PLA2G5: variants seen among roughly 807,000 people sequenced by gnomAD.
PLA2G5 encodes Ca2+-dependent phospholipase A2.
A neutral mutation model predicts 15.9 loss-of-function variants in PLA2G5; 12 were observed. That is an observed-to-expected ratio of 0.76 (90% confidence interval 0.48 to 1.23). PLA2G5 has a LOEUF of 1.23. PLA2G5 is among the 50% of genes most tolerant of loss of function. The probability of loss-of-function intolerance (pLI) is 0.00; values close to 1 mark genes in which losing one functional copy is unlikely to be tolerated. For missense variants in PLA2G5, 169 were observed against 177.1 expected (o/e 0.95, Z 0.26); for synonymous variants, 71 against 71.4 (o/e 0.99, Z 0.03).
intron 1 of PLA2G5, among the ~76,000 whole-genome samples, chr1:20,059,120 C>CAAA (rs34667227): frequency 2.0e-4 from 17 of 83,072 alleles, no homozygotes; most frequent in African/African-American, 4.9e-4. Context: ...GAGACTGTCT[C>CAAA]AAAAAAAAAA....
chr1:20,066,547 G>T (rs1246715331), upstream of PLA2G5, among the ~76,000 whole-genome samples: 1 of 152,206 alleles, frequency 6.6e-6, no homozygotes, highest in East Asian at 1.9e-4. Flanking sequence ...TTCCTTACAA[G>T]AGTTGATTGT....
intron 3 of PLA2G5, among the ~76,000 whole-genome samples, chr1:20,087,976 C>A (rs1014239154): frequency 2.0e-5 from 3 of 152,162 alleles, no homozygotes; most frequent in African/African-American, 7.2e-5. Context: ...CGTGGGGCAT[C>A]TTATAAAATG....
rs1004423808 is a variant in PLA2G5 at position 20,084,814 on chromosome 1, T to C, written c.-10-7T>C. 3 of 1,603,332 alleles carry C rather than the reference T, an allele frequency of 1.9e-6. No homozygotes were observed. In the African/African-American group the frequency reaches 4.0e-5, roughly 21 times the overall value. ...AGATCTGTTGTGGGATGTGTTTTTT[T>C]TTCCAGAACCCCAGAGATGAAAGGC... On this transcript the variant is annotated splice_region_variant and splice_polypyrimidine_tract_variant and intron_variant, in intron 1 of 4. Coordinates refer to ENST00000375108, the MANE Select transcript of PLA2G5 (RefSeq NM_000929.3).
chr1:20,062,800 C>T (rs1318809720), intron 2 of PLA2G5, among the ~76,000 whole-genome samples: 2 of 152,056 alleles, frequency 1.3e-5, no homozygotes, highest in South Asian at 2.1e-4. Context: ...CATCTGTGTG[C>T]CTAGGGGGCC....
chr1:20,084,807 G>T lies in PLA2G5; in HGVS notation c.-10-14G>T. ...GCCTGATAGATCTGTTGTGGGATGT[G>T]TTTTTTTTTCCAGAACCCCAGAGAT... On this transcript the variant is annotated splice_polypyrimidine_tract_variant and intron_variant, in intron 1 of 4. Transcript: ENST00000375108. The T allele has an allele frequency of 1.3e-6, 2 of 1,494,316 alleles. No individual in the cohort carries two copies. The highest frequency in any genetic ancestry group is 2.3e-5 in the East Asian group (1 of 43,180). The allele number at this position is 1,494,316 out of a possible 1,614,324, so 92.6% of individuals were successfully genotyped here.
chr1:20,071,119 TGA>T (rs1436333382), intron 1 of PLA2G5, among the ~76,000 whole-genome samples: 2 of 152,064 alleles, frequency 1.3e-5, no homozygotes, highest in Non-Finnish European at 2.9e-5. Flanking sequence ...GGCACAGGTG[TGA>T]GTCATTTTTT....
intron 1 of PLA2G5, among the ~76,000 whole-genome samples, chr1:20,037,072 T>C (rs1040622473): frequency 6.6e-6 from 1 of 152,194 alleles, no homozygotes; most frequent in Non-Finnish European, 1.5e-5. Context: ...GATTTCTTCT[T>C]GGTTTGGATT....
At chr1:20,061,311 A>G (rs996464815) in intron 2 of PLA2G5, among the ~76,000 whole-genome samples, 2 of 152,156 alleles carry the variant, frequency 1.3e-5, no homozygotes, top group Non-Finnish European at 2.9e-5. Context: ...CATACCAGGC[A>G]TGGTGGCTCA....
At chr1:20,069,029 T>G, upstream of PLA2G5, 24 of 891,804 alleles carry the variant, frequency 2.7e-5, no homozygotes, top group African/African-American at 3.4e-5. Context: ...CAAATGGCCA[T>G]AAGGTGTGTG....
chr1:20,056,899 G>A (rs2014458467), intron 1 of PLA2G5, among the ~76,000 whole-genome samples: 1 of 152,144 alleles, frequency 6.6e-6, no homozygotes, highest in Admixed American at 6.5e-5. Flanking sequence ...TTTAATAGAT[G>A]CTGGTCTATT....
At chr1:20,078,602 C>T (rs2015827484) in intron 1 of PLA2G5, among the ~76,000 whole-genome samples, 3 of 152,086 alleles carry the variant, frequency 2.0e-5, no homozygotes, top group Admixed American at 6.5e-5. Context: ...TCTCATTCAC[C>T]GTGGGATCCC....
chr1:20,072,606 C>T (rs1281983109), intron 1 of PLA2G5, among the ~76,000 whole-genome samples: 1 of 152,090 alleles, frequency 6.6e-6, no homozygotes, highest in Non-Finnish European at 1.5e-5. Flanking sequence ...GCAAGGCTGG[C>T]GTAGGTTGGG....
At chr1:20,056,347 C>T (rs192790547) in intron 1 of PLA2G5, among the ~76,000 whole-genome samples, 1 of 151,894 alleles carries the variant, frequency 6.6e-6, no homozygotes, top group Non-Finnish European at 1.5e-5. Context: ...ATCTTGCCCC[C>T]CTATCCTAGG....
At chr1:20,060,544 T>C (rs1047100724) in intron 2 of PLA2G5, among the ~76,000 whole-genome samples, 8 of 151,808 alleles carry the variant, frequency 5.3e-5, no homozygotes, top group African/African-American at 1.9e-4. Flanking sequence ...TGAGCCACCA[T>C]GCCCAGCCAG....
chr1:20,084,675 C>T (rs1360264183), intron 1 of PLA2G5, 146 bp from the exon 2 acceptor site: 4 of 669,968 alleles, frequency 6.0e-6, no homozygotes, highest in Admixed American at 2.4e-5. Context: ...TTTGCCTCAT[C>T]TTTTCTGGCT....
At chr1:20,034,397 A>G (rs1298671605) in intron 1 of PLA2G5, among the ~76,000 whole-genome samples, 2 of 152,194 alleles carry the variant, frequency 1.3e-5, no homozygotes, top group African/African-American at 4.8e-5. Context: ...CCAATACAGA[A>G]AAGTGTGTGG....
chr1:20,091,503 T>C lies in PLA2G5; in HGVS notation c.*811T>C, dbSNP rs1045145791. 4.6e-5 allele frequency among the ~76,000 whole-genome samples: 7 copies of C among 152,196 alleles called. No individual in the cohort carries two copies. Among genetic ancestry groups the C allele is most frequent in the Non-Finnish European group, 8.8e-5 (6 of 68,034 alleles). On this transcript the variant is annotated 3_prime_UTR_variant, in exon 5 of 5. Transcript: ENST00000375108. ...GTCTTGGACCCGTTACTGAACCTCT[T>C]TGACTTTCAGTCTCTTTGAGAAATA...
At chr1:20,048,180 C>G (rs1321813570) in intron 1 of PLA2G5, among the ~76,000 whole-genome samples, 1 of 151,926 alleles carries the variant, frequency 6.6e-6, no homozygotes, top group Non-Finnish European at 1.5e-5. Context: ...AATAGTTTAT[C>G]AGGAAAAAAG....
chr1:20,041,128 C>A (rs2013574861), intron 1 of PLA2G5, among the ~76,000 whole-genome samples: 1 of 152,226 alleles, frequency 6.6e-6, no homozygotes. Context: ...AGATATTCAG[C>A]ATTTACATTT....
Sources: gnomAD v4.1 joint callset for allele counts (sites outside exome capture counted in the v4.1 genomes callset) on GRCh38, gnomAD v4.1.1 for gene constraint, MANE v1.5 for transcripts, NCBI Gene and HGNC (gene_info 2026-07-23, HGNC 2026-07-21) for gene names.